The following PALLD variants were observed in gnomAD, a reference collection of about 807,000 sequenced individuals.
PALLD encodes the protein palladin.
Under a neutral mutation model 123.5 loss-of-function variants are expected in PALLD, and 61 were observed. That is an observed-to-expected ratio of 0.49 (90% CI 0.40 to 0.61). The LOEUF (loss-of-function observed/expected upper bound fraction) is 0.61, where lower values mean the gene tolerates loss of function less well. PALLD is among the 20% of genes least tolerant of loss of function. The pLI, the probability that PALLD is intolerant of heterozygous loss-of-function variation, is 0.00. For synonymous variants in PALLD, 465 were observed against 496.4 expected (o/e 0.94, Z 0.84); for missense variants, 1,273 against 1,377.0 (o/e 0.92, Z 1.20).
At chr4:168,909,613 T>G (rs1379730522) in intron 15 of PALLD, among the ~76,000 whole-genome samples, 1 of 152,180 alleles carries the variant, frequency 6.6e-6, no homozygotes, top group Non-Finnish European at 1.5e-5. Context: ...AACATTCCCT[T>G]CCATTATTCT....
At position 168,905,138 on chromosome 4, in the gene PALLD, G is replaced by GTTTTTTGT. The variant is rs1560894892; in HGVS notation, c.2622+1238_2622+1239insGTTTTTTT. Reference sequence around the variant, plus strand: ...TGAGACTTTGTTTTTTGTTTTGTTGGTTTTTTTTTTTTTTTTTTTTTTTTT... The same window carrying GTTTTTTGT: ...TGAGACTTTGTTTTTTGTTTTGTTGGTTTTTTGTTTTTTTTTTTTTTTTTTTTTTTTTT... On this transcript the variant is annotated intron_variant, in intron 15 of 21. Transcript: ENST00000505667. Among the ~76,000 whole-genome samples, 64 of 34,536 alleles carry GTTTTTTGT rather than the reference G, an allele frequency of 1.9e-3. 1 individual carries two copies. Among genetic ancestry groups the GTTTTTTGT allele is most frequent in the East Asian group, 3.8e-3 (2 of 524 alleles). 22.7% of individuals were successfully genotyped at this position (34,536 alleles called of 152,430 possible).
chr4:168,816,278 A>G (rs1368260950), intron 10 of PALLD, among the ~76,000 whole-genome samples: 1 of 152,078 alleles, frequency 6.6e-6, no homozygotes, highest in Non-Finnish European at 1.5e-5. Flanking sequence ...TTTCAACACA[A>G]GAGAGCAAAG....
At chr4:168,643,520 C>T (rs927855840) in intron 2 of PALLD, among the ~76,000 whole-genome samples, 13 of 152,106 alleles carry the variant, frequency 8.5e-5, no homozygotes, top group Admixed American at 6.6e-4. Context: ...GAGTATCTAC[C>T]CAGCCATTAA....
At chr4:168,531,797 C>T (rs1764627905) in intron 2 of PALLD, among the ~76,000 whole-genome samples, 1 of 152,198 alleles carries the variant, frequency 6.6e-6, no homozygotes. Flanking sequence ...GCATGTTAAA[C>T]AGAGAACCAC....
chr4:168,791,029 G>A (rs1737442714), intron 10 of PALLD, among the ~76,000 whole-genome samples: 1 of 152,002 alleles, frequency 6.6e-6, no homozygotes, highest in Admixed American at 6.6e-5. Context: ...TGTTATAACA[G>A]GCATCAGACC....
At chr4:168,738,666 G>C in intron 10 of PALLD, among the ~76,000 whole-genome samples, 1 of 52,154 alleles carries the variant, frequency 1.9e-5, no homozygotes. Flanking sequence ...CCTGACCTCA[G>C]GTGATCCGCC....
chr4:168,732,504 G>C (rs1787277610), intron 10 of PALLD, among the ~76,000 whole-genome samples: 1 of 152,144 alleles, frequency 6.6e-6, no homozygotes, highest in Admixed American at 6.5e-5. Context: ...TCTTAGGCAA[G>C]AGAATATCAC....
At chr4:168,916,917 C>G (rs1370587403) in intron 17 of PALLD, among the ~76,000 whole-genome samples, 1 of 151,944 alleles carries the variant, frequency 6.6e-6, no homozygotes, top group Non-Finnish European at 1.5e-5. Flanking sequence ...GATCCGCCCA[C>G]CTCAGCCTCC....
chr4:168,785,082 T>C (rs1474443234), intron 10 of PALLD, among the ~76,000 whole-genome samples: 2 of 90,724 alleles, frequency 2.2e-5, no homozygotes, highest in Non-Finnish European at 5.2e-5. Flanking sequence ...TTTTTTTTTT[T>C]TTTTTGTAAT....
intron 9 of PALLD, among the ~76,000 whole-genome samples, chr4:168,709,805 A>G (rs1784659245): frequency 6.6e-6 from 1 of 151,948 alleles, no homozygotes; most frequent in Non-Finnish European, 1.5e-5. Flanking sequence ...ACAAAAAGAT[A>G]ATGATCGTGT....
At position 168,914,039 on chromosome 4, in the gene PALLD, TC is replaced by T; in HGVS notation, c.2717+21del. On this transcript the variant is annotated intron_variant, in intron 16 of 21. Coordinates refer to ENST00000505667, the MANE Select transcript of PALLD (RefSeq NM_001166108.2). ...GTCAGAAGGTATTTAACATGTTCCT[TC>T]CCAGAAGTGTTACATTATTTTATTT... The T allele has an allele frequency of 7.2e-7, 1 of 1,392,032 alleles. No homozygotes were observed. Among genetic ancestry groups the T allele is most frequent in the Non-Finnish European group, 1.0e-6 (1 of 977,526 alleles). 86.2% of individuals were successfully genotyped at this position (1,392,032 alleles called of 1,614,324 possible).
chr4:168,685,703 T>C (rs1781961217), intron 6 of PALLD, 144 bp downstream of exon 6: 1 of 722,194 alleles, frequency 1.4e-6, no homozygotes, highest in Admixed American at 1.9e-5. Context: ...ACTAAATAGA[T>C]ATTTGTTGAA....
chr4:168,717,777 G>A (rs1785505390), intron 10 of PALLD, among the ~76,000 whole-genome samples: 1 of 152,148 alleles, frequency 6.6e-6, no homozygotes, highest in African/African-American at 2.4e-5. Context: ...TGAGTATGAA[G>A]AATTAAATAA....
chr4:168,744,338 G>A (rs527786721), intron 10 of PALLD, among the ~76,000 whole-genome samples: 2 of 152,302 alleles, frequency 1.3e-5, no homozygotes, highest in African/African-American at 4.8e-5. Flanking sequence ...TGAGACTAAA[G>A]TATCTCTGTT....
chr4:168,914,047 GTGT>G, intron 16 of PALLD, 26 bp downstream of exon 16: 1 of 1,317,824 alleles, frequency 7.6e-7, no homozygotes, highest in Non-Finnish European at 1.1e-6. Flanking sequence ...CTTCCCAGAA[GTGT>G]TACATTATTT....
At chr4:168,521,622 T>A (rs1246417408) in intron 2 of PALLD, among the ~76,000 whole-genome samples, 1 of 152,240 alleles carries the variant, frequency 6.6e-6, no homozygotes, top group African/African-American at 2.4e-5. Context: ...TGACTCTGTT[T>A]CCTCTCTTTA....
intron 10 of PALLD, among the ~76,000 whole-genome samples, chr4:168,795,818 C>T (rs1345098512): frequency 6.6e-6 from 1 of 151,310 alleles, no homozygotes; most frequent in Non-Finnish European, 1.5e-5. Context: ...ACAGAATTCT[C>T]CCCCCTCAAA....
chr4:168,682,508 A>G (rs1004726460), intron 4 of PALLD, among the ~76,000 whole-genome samples: 4 of 152,188 alleles, frequency 2.6e-5, no homozygotes, highest in African/African-American at 7.2e-5. Context: ...AAGAAAACAC[A>G]AAAATTCCAA....
intron 8 of PALLD, among the ~76,000 whole-genome samples, chr4:168,696,534 G>T (rs1312902601): frequency 1.3e-5 from 2 of 151,936 alleles, no homozygotes; most frequent in Admixed American, 6.6e-5. Flanking sequence ...TAGCATGAAT[G>T]ATATAGAAAA....
Sources: gnomAD v4.1 joint callset for allele counts (sites outside exome capture counted in the v4.1 genomes callset) on GRCh38, gnomAD v4.1.1 for gene constraint, MANE v1.5 for transcripts, NCBI Gene and HGNC (gene_info 2026-07-23, HGNC 2026-07-21) for gene names.